Variants in IMMP2L observed in about 807,000 individuals in gnomAD.
IMMP2L encodes mitochondrial inner membrane protease subunit 2.
A neutral mutation model predicts 19.3 loss-of-function variants in IMMP2L; 18 were observed. The observed-to-expected ratio is 0.93, with a 90% confidence interval of 0.64 to 1.38. The LOEUF (loss-of-function observed/expected upper bound fraction) is 1.38. Ranked by LOEUF, IMMP2L falls within the 40% of genes most tolerant of loss-of-function variation. The pLI, the probability that IMMP2L is intolerant of heterozygous loss-of-function variation, is 0.00. For missense variants in IMMP2L, 233 were observed against 218.2 expected, an observed-to-expected ratio of 1.07 and a Z score of -0.43; for synonymous variants, 76 against 73.0, an observed-to-expected ratio of 1.04 and a Z score of -0.21.
At chr7:111,342,052 C>A (rs570484433) in intron 3 of IMMP2L, among the ~76,000 whole-genome samples, 1 of 152,054 alleles carries the variant, frequency 6.6e-6, no homozygotes, top group Non-Finnish European at 1.5e-5. Context: ...GCTGTTATAG[C>A]GGCACAAAAC....
intron 3 of IMMP2L, among the ~76,000 whole-genome samples, chr7:110,978,623 C>A (rs945578128): frequency 6.6e-6 from 1 of 151,822 alleles, no homozygotes; most frequent in African/African-American, 2.4e-5. Context: ...ACAATAAATT[C>A]TAAAATGAGA....
chr7:111,370,500 T>C (rs189738536), intron 3 of IMMP2L, among the ~76,000 whole-genome samples: 3 of 152,154 alleles, frequency 2.0e-5, no homozygotes, highest in East Asian at 1.9e-4. Context: ...ACTTTTAAAA[T>C]ACTTTATTGC....
At chr7:111,077,218 T>G (rs1411665486) in intron 3 of IMMP2L, among the ~76,000 whole-genome samples, 1 of 152,256 alleles carries the variant, frequency 6.6e-6, no homozygotes, top group African/African-American at 2.4e-5. Flanking sequence ...TTCAGGGAAA[T>G]AAATGACTAG....
chr7:110,841,611 G>A (rs1001530469), intron 5 of IMMP2L, among the ~76,000 whole-genome samples: 20 of 151,964 alleles, frequency 1.3e-4, no homozygotes, highest in Admixed American at 9.2e-4. Flanking sequence ...CATTCACACT[G>A]CATTTCAGAT....
At chr7:111,124,056 T>C in intron 3 of IMMP2L, 2 of 1,614,066 alleles carry the variant, frequency 1.2e-6, no homozygotes, top group Non-Finnish European at 1.7e-6. Context: ...CTGAGAGCTT[T>C]CCTTCTAATC....
In IMMP2L at chr7:110,845,847, T is replaced by C. The variant is rs112602394; in HGVS notation, c.408+40746A>G. Among the ~76,000 whole-genome samples, 21 of 152,222 alleles carry C rather than the reference T, an allele frequency of 1.4e-4. 1 individual carries two copies. The highest frequency in any genetic ancestry group is 4.8e-4 in the African/African-American group (20 of 41,552). ...GTGGAGCCCTCATGAACGAGACTAG[T>C]GCCCTTATAAAAGAGGTGCTAGAGA... On this transcript the variant is annotated intron_variant, in intron 5 of 5. Transcript: ENST00000405709.
At chr7:111,335,337 A>C (rs551949692) in intron 3 of IMMP2L, among the ~76,000 whole-genome samples, 66 of 152,220 alleles carry the variant, frequency 4.3e-4, no homozygotes, top group African/African-American at 1.5e-3. Context: ...GAGTCCCAAA[A>C]AAGTCAGCCA....
At chr7:111,079,595 T>C (rs1163611107) in intron 3 of IMMP2L, among the ~76,000 whole-genome samples, 1 of 152,216 alleles carries the variant, frequency 6.6e-6, no homozygotes, top group East Asian at 1.9e-4. Context: ...TCAAAGCACA[T>C]GTGTGCTTGC....
intron 3 of IMMP2L, among the ~76,000 whole-genome samples, chr7:111,169,210 G>T (rs1455528150): frequency 6.6e-6 from 1 of 151,760 alleles, no homozygotes; most frequent in Non-Finnish European, 1.5e-5. Context: ...AACCTCCTTG[G>T]ACCCTCCCTG....
intron 5 of IMMP2L, among the ~76,000 whole-genome samples, chr7:110,847,832 T>C (rs1805819532): frequency 6.6e-6 from 1 of 152,112 alleles, no homozygotes; most frequent in African/African-American, 2.4e-5. Context: ...AAAATAGTGC[T>C]GGAACAACAG....
intron 3 of IMMP2L, among the ~76,000 whole-genome samples, chr7:111,217,975 ACTTTT>A (rs1181774643): frequency 6.6e-6 from 1 of 151,986 alleles, no homozygotes; most frequent in Non-Finnish European, 1.5e-5. Context: ...CATGTTCTTC[ACTTTT>A]CTTTTCAAAA....
chr7:111,016,845 AT>A (rs1211215483), intron 3 of IMMP2L, among the ~76,000 whole-genome samples: 3 of 86,360 alleles, frequency 3.5e-5, no homozygotes, highest in Non-Finnish European at 6.0e-5. Context: ...TATATTATAT[AT>A]AATATATATT....
At chr7:111,050,308 C>T (rs1021363671) in intron 3 of IMMP2L, among the ~76,000 whole-genome samples, 4 of 152,184 alleles carry the variant, frequency 2.6e-5, no homozygotes, top group Admixed American at 6.5e-5. Context: ...ATAACTCTCT[C>T]ACTTCCCCCT....
rs1043716270 is a variant in IMMP2L at position 110,784,729 on chromosome 7, A to G, written c.408+101864T>C. Among the ~76,000 whole-genome samples the G allele has an allele frequency of 5.9e-5, 9 of 151,854 alleles. 1 individual carries two copies. The highest frequency in any genetic ancestry group is 5.9e-4 in the Admixed American group (9 of 15,204). ...AAATCACTTGGAAAGCTCTTTTGAAAATCCTAATGCCTGGACCCCACCCTG... is the reference window on the plus strand; with the variant it reads ...AAATCACTTGGAAAGCTCTTTTGAAGATCCTAATGCCTGGACCCCACCCTG... On this transcript the variant is annotated intron_variant, in intron 5 of 5. Coordinates refer to ENST00000405709, the MANE Select transcript of IMMP2L (RefSeq NM_032549.4).
At chr7:111,014,994 G>C (rs1435695172) in intron 3 of IMMP2L, among the ~76,000 whole-genome samples, 1 of 152,138 alleles carries the variant, frequency 6.6e-6, no homozygotes, top group Non-Finnish European at 1.5e-5. Context: ...ATACAGTAAG[G>C]AGGTTCCTCA....
chr7:111,290,810 CTATATA>C lies in IMMP2L; in HGVS notation c.239+196422_239+196427del, dbSNP rs34013550. Among the ~76,000 whole-genome samples the C allele has an allele frequency of 1.9e-4, 28 of 149,394 alleles. No homozygotes were observed. The South Asian group carries it at 4.9e-3, about 26-fold the overall frequency. On this transcript the variant is annotated intron_variant, in intron 3 of 5. Coordinates refer to ENST00000405709, the MANE Select transcript of IMMP2L (RefSeq NM_032549.4). ...TGTCTCTCTTTCTCTCTCTCTCTCA[CTATATA>C]TATATATACAAACACACACACACAC... is the stretch of plus-strand genomic sequence containing the variant.
chr7:110,684,242 A>G (rs928835642), intron 5 of IMMP2L, among the ~76,000 whole-genome samples: 4 of 152,108 alleles, frequency 2.6e-5, no homozygotes, highest in Non-Finnish European at 5.9e-5. Context: ...AAAAATTTTT[A>G]TATTCCAAGC....
chr7:111,289,335 G>A (rs1369718091), intron 3 of IMMP2L, among the ~76,000 whole-genome samples: 2 of 151,524 alleles, frequency 1.3e-5, no homozygotes, highest in Non-Finnish European at 2.9e-5. Flanking sequence ...GGGTTGATGT[G>A]TGCAACAAAC....
At chr7:111,539,603 C>A (rs1848338862) in intron 1 of IMMP2L, among the ~76,000 whole-genome samples, 1 of 150,792 alleles carries the variant, frequency 6.6e-6, no homozygotes, top group African/African-American at 2.4e-5. Flanking sequence ...TGAACTGCCT[C>A]AATCAGAGCC....
Sources: gnomAD v4.1 joint callset for allele counts (sites outside exome capture counted in the v4.1 genomes callset) on GRCh38, gnomAD v4.1.1 for gene constraint, MANE v1.5 for transcripts, NCBI Gene and HGNC (gene_info 2026-07-23, HGNC 2026-07-21) for gene names.